C16orf96: variants seen among roughly 807,000 people sequenced by gnomAD.
C16orf96 encodes chromosome 16 open reading frame 96.
In C16orf96, 108 loss-of-function variants were observed where a neutral mutation model predicts 103.6. That is an observed-to-expected ratio of 1.04 (90% CI 0.89 to 1.22). The LOEUF (loss-of-function observed/expected upper bound fraction) is 1.22, where lower values mean the gene tolerates loss of function less well. C16orf96 is among the 50% of genes most tolerant of loss of function. The pLI is 0.00. For missense variants in C16orf96, 1,586 were observed against 1,464.2 expected (o/e 1.08, Z -1.36); for synonymous variants, 566 against 593.5 (o/e 0.95, Z 0.67).
At chr16:4,587,807 A>T (rs948348620) in intron 8 of C16orf96, among the ~76,000 whole-genome samples, 1 of 151,962 alleles carries the variant, frequency 6.6e-6, no homozygotes, top group African/African-American at 2.4e-5. Context: ...ATGATGGAAC[A>T]TGCCTGTAGT....
chr16:4,578,229 G>A (rs1257970626), intron 5 of C16orf96, among the ~76,000 whole-genome samples: 2 of 152,054 alleles, frequency 1.3e-5, no homozygotes, highest in East Asian at 1.9e-4. Flanking sequence ...TGCAGCCTCC[G>A]CCTCCTGGGT....
intron 7 of C16orf96, among the ~76,000 whole-genome samples, chr16:4,583,924 CAAAAAA>C (rs58974530): frequency 1.3e-5 from 1 of 78,126 alleles, no homozygotes; most frequent in Non-Finnish European, 2.5e-5. Context: ...GACTGTATCT[CAAAAAA>C]AAAAAAAAAA....
At chr16:4,562,795 T>C (rs2059345814) in intron 1 of C16orf96, 1 of 1,231,786 alleles carries the variant, frequency 8.1e-7, no homozygotes, top group South Asian at 1.3e-5. Context: ...CAGGTTTTAT[T>C]TATATGGCTC....
At chr16:4,595,867 C>T (rs1408557266) in intron 14 of C16orf96, among the ~76,000 whole-genome samples, 4 of 151,942 alleles carry the variant, frequency 2.6e-5, no homozygotes, top group East Asian at 1.9e-4. Flanking sequence ...CCACCACGCC[C>T]GGCTAAATTT....
At chr16:4,543,735 C>T in the C16orf96 span, among the ~76,000 whole-genome samples, 2 of 152,058 alleles carry the variant, frequency 1.3e-5, no homozygotes, top group Non-Finnish European at 2.9e-5. Context: ...GCCTCTGCCT[C>T]TTGGCAAGCG....
intron 5 of C16orf96, among the ~76,000 whole-genome samples, chr16:4,577,271 C>T (rs898006889): frequency 6.6e-6 from 1 of 152,204 alleles, no homozygotes; most frequent in Admixed American, 6.6e-5. Context: ...GTGACTCATG[C>T]CTGTAATCTT....
At chr16:4,546,438 G>A in the C16orf96 span, among the ~76,000 whole-genome samples, 3 of 150,648 alleles carry the variant, frequency 2.0e-5, no homozygotes, top group African/African-American at 4.9e-5. Context: ...GATTACAGGC[G>A]GGAGCCACCG....
intron 14 of C16orf96, among the ~76,000 whole-genome samples, 177 bp downstream of exon 14, chr16:4,594,980 G>C (rs1897141091): frequency 1.3e-5 from 2 of 152,178 alleles, no homozygotes; most frequent in Admixed American, 1.3e-4. Flanking sequence ...TCTTTGCAAT[G>C]GGGGAGGGAG....
chr16:4,588,891 T>G lies in C16orf96; in HGVS notation c.2592+560T>G, dbSNP rs1192749162. ...AGACTCAAACCCAGAGCTGCCTGAT[T>G]CTAAACCTAATTTAACCTCTTTGGG... On this transcript the variant is annotated intron_variant, in intron 9 of 15. Coordinates refer to ENST00000444310, the MANE Select transcript of C16orf96 (RefSeq NM_001145011.2). Among the ~76,000 whole-genome samples the G allele has an allele frequency of 3.3e-5, 5 of 151,896 alleles. No individual in the cohort carries two copies. The East Asian group carries it at 9.6e-4, about 29-fold the overall frequency.
chr16:4,581,492 G>C (rs1327111737), intron 7 of C16orf96, among the ~76,000 whole-genome samples: 1 of 151,732 alleles, frequency 6.6e-6, no homozygotes, highest in Non-Finnish European at 1.5e-5. Flanking sequence ...AATTAGCCGG[G>C]CGTGGTGGCT....
At position 4,590,945 on chromosome 16, in the gene C16orf96, T is replaced by C. The variant is rs193016313; in HGVS notation, c.2593-721T>C. Among the ~76,000 whole-genome samples the C allele has an allele frequency of 7.5e-4, 114 of 151,750 alleles. 1 individual carries two copies. The highest frequency in any genetic ancestry group is 2.3e-3 in the African/African-American group (94 of 41,350). ...TACTTGGGAGGCTGAGGCAGGAGAA[T>C]TGCTTGAACCTGGGAGGCGGAGGTT... On this transcript the variant is annotated intron_variant, in intron 9 of 15. Transcript: ENST00000444310.
intron 5 of C16orf96, among the ~76,000 whole-genome samples, chr16:4,578,574 A>G (rs1281076914): frequency 1.3e-5 from 2 of 152,240 alleles, no homozygotes; most frequent in African/African-American, 2.4e-5. Context: ...CCTGGCCAAC[A>G]TGGTGAAACC....
At chr16:4,550,929 G>A in the C16orf96 span, among the ~76,000 whole-genome samples, 1 of 152,204 alleles carries the variant, frequency 6.6e-6, no homozygotes, top group Non-Finnish European at 1.5e-5. Context: ...CCACGTTGTT[G>A]GCCTCTTAAT....
At chr16:4,594,948 AG>A in intron 14 of C16orf96, 145 bp downstream of exon 14, 1 of 828,674 alleles carries the variant, frequency 1.2e-6, no homozygotes, top group Non-Finnish European at 1.9e-6. Context: ...ATTGGGTCAC[AG>A]CAGGCCCCCA....
the C16orf96 span, among the ~76,000 whole-genome samples, chr16:4,540,219 G>C: frequency 6.6e-6 from 1 of 152,226 alleles, no homozygotes; most frequent in East Asian, 1.9e-4. Context: ...AGGAGAGGAA[G>C]GGACGCCCTA....
At chr16:4,555,698 C>CTTTTTT (rs1166481480), upstream of C16orf96, among the ~76,000 whole-genome samples, 4 of 127,254 alleles carry the variant, frequency 3.1e-5, no homozygotes, top group Non-Finnish European at 3.4e-5. Flanking sequence ...CTTTTCTTTT[C>CTTTTTT]TTTTTTTTTT....
chr16:4,578,627 G>A lies in C16orf96; in HGVS notation c.2156-313G>A, dbSNP rs1250367705. 1.1e-4 allele frequency among the ~76,000 whole-genome samples: 17 copies of A among 152,074 alleles called. No homozygotes were observed. In the Middle Eastern group the frequency reaches 0.021, roughly 184 times the overall value. ...ACAAAAATTAGCTGGGCGTGGTGGC[G>A]TGTGCCTGTAATCCCAGGTACTCGG... On this transcript the variant is annotated intron_variant, in intron 5 of 15. Coordinates refer to ENST00000444310, the MANE Select transcript of C16orf96 (RefSeq NM_001145011.2).
chr16:4,581,322 C>T (rs2059586296), intron 7 of C16orf96, among the ~76,000 whole-genome samples: 1 of 145,086 alleles, frequency 6.9e-6, no homozygotes, highest in Admixed American at 6.9e-5. Context: ...GCAACAAGAG[C>T]GAAACTCTGT....
chr16:4,558,268 C>T (rs1020484971), intron 1 of C16orf96, among the ~76,000 whole-genome samples: 1 of 152,192 alleles, frequency 6.6e-6, no homozygotes, highest in African/African-American at 2.4e-5. Context: ...CCCCTGCTAA[C>T]CCCGACCAGC....
Sources: allele counts gnomAD v4.1 joint callset (sites outside exome capture counted in the v4.1 genomes callset), GRCh38; gene constraint gnomAD v4.1.1; transcripts MANE v1.5; gene names NCBI Gene and HGNC (gene_info 2026-07-23, HGNC 2026-07-21).